The following FAAH2 variants were observed in gnomAD, a reference collection of about 807,000 sequenced individuals.
FAAH2 encodes fatty-acid amide hydrolase 2.
In FAAH2, 60 loss-of-function variants were observed where a neutral mutation model predicts 36.9. That is an observed-to-expected ratio of 1.63 (90% CI 1.32 to 2.02). FAAH2 has a LOEUF of 2.02. FAAH2 is among the 30% of genes most tolerant of loss of function. The probability of loss-of-function intolerance (pLI) is 0.00; values close to 1 mark genes in which losing one functional copy is unlikely to be tolerated. For synonymous variants in FAAH2, 214 were observed against 143.8 expected (o/e 1.49, Z -3.49); for missense variants, 689 against 397.5 (o/e 1.73, Z -6.23).
intron 1 of FAAH2, chrX:57,290,433 G>T: frequency 8.6e-6 from 2 of 232,710 alleles, no homozygotes; most frequent in Non-Finnish European, 1.2e-5. Context: ...CCTACTAGAC[G>T]CATAATTCTA....
At chrX:57,207,394 C>T in the FAAH2 span, among the ~76,000 whole-genome samples, 1 of 111,700 alleles carries the variant, frequency 9.0e-6, no homozygotes, top group East Asian at 2.8e-4. Flanking sequence ...ACACAGATGG[C>T]CAGTGCTGTA....
At chrX:57,398,694 A>G (rs1006473026) in intron 7 of FAAH2, among the ~76,000 whole-genome samples, 1 of 111,193 alleles carries the variant, frequency 9.0e-6, no homozygotes, top group Middle Eastern at 4.6e-3. Context: ...CTCTCAGGTG[A>G]TAGATGATTG....
At chrX:57,159,984 T>C in the FAAH2 span, among the ~76,000 whole-genome samples, 1 of 111,903 alleles carries the variant, frequency 8.9e-6, no homozygotes, top group African/African-American at 3.3e-5. Context: ...TTGTCATAGA[T>C]AGCTCTTATT....
chrX:57,447,281 C>T (rs749713719), intron 9 of FAAH2, among the ~76,000 whole-genome samples: 10 of 111,193 alleles, frequency 9.0e-5, no homozygotes, highest in Non-Finnish European at 1.9e-4. Flanking sequence ...GTATAGCCTC[C>T]CTCCAAGTTG....
intron 8 of FAAH2, among the ~76,000 whole-genome samples, chrX:57,437,918 C>T (rs748348856): frequency 2.0e-5 from 2 of 102,203 alleles, no homozygotes; most frequent in East Asian, 6.1e-4. Flanking sequence ...TACATACGTA[C>T]ATGTATACAC....
rs762805177 is a variant in FAAH2, at chrX:57,488,921, G to C, written c.1588G>C (p.Gly530Arg). 3.3e-6 allele frequency: 4 copies of C among 1,206,941 alleles called. No homozygotes were observed. The highest frequency in any genetic ancestry group is 4.5e-6 in the Non-Finnish European group (4 of 894,354). Residue 530 changes from glycine to arginine, a missense_variant, in exon 11 of 11, where the codon GGA (glycine) becomes CGA (arginine). Transcript: ENST00000374900. ...AACTTTTGGGGGCTGGGTCTGTCCA[G>C]GAAAGTTTTAGGAGGACCTTCTGCA... Reference protein sequence around the residue: ...EKTFGGWVCPGKF With the variant: ...EKTFGGWVCPRKF
chrX:57,349,251 GTGTGTATATA>G (rs1304361298), intron 5 of FAAH2, among the ~76,000 whole-genome samples: 1 of 28,708 alleles, frequency 3.5e-5, no homozygotes, highest in Non-Finnish European at 2.0e-4. Context: ...ATGTATATCT[GTGTGTATATA>G]TGTATATACA....
chrX:57,400,459 G>C (rs139947990), intron 7 of FAAH2, among the ~76,000 whole-genome samples: 1 of 112,593 alleles, frequency 8.9e-6, no homozygotes, highest in African/African-American at 3.2e-5. Flanking sequence ...GTCTTGCCCT[G>C]TTGGCATGCT....
the FAAH2 span, among the ~76,000 whole-genome samples, chrX:57,144,623 G>A: frequency 1.1e-4 from 12 of 109,629 alleles, no homozygotes; most frequent in South Asian, 3.9e-4. Context: ...CGTATCACCC[G>A]AGCAGTTTAC....
At chrX:57,406,782 G>A (rs771851463) in intron 7 of FAAH2, among the ~76,000 whole-genome samples, 1 of 111,987 alleles carries the variant, frequency 8.9e-6, no homozygotes, top group East Asian at 2.8e-4. Context: ...TGTGTAGAGA[G>A]AGGAAGATGA....
chrX:57,210,105 G>T, the FAAH2 span, among the ~76,000 whole-genome samples: 1 of 110,814 alleles, frequency 9.0e-6, no homozygotes, highest in Non-Finnish European at 1.9e-5. Context: ...GTGCTTCTCA[G>T]TGGTGTAGAG....
intron 10 of FAAH2, among the ~76,000 whole-genome samples, chrX:57,481,401 C>T (rs1025743179): frequency 2.7e-5 from 3 of 111,513 alleles, no homozygotes; most frequent in Non-Finnish European, 5.6e-5. Flanking sequence ...ATCTTTAAAG[C>T]TGATAACCTT....
Position 57,488,980 on chromosome X carries a change from G to T in FAAH2, c.*48G>T. 1.8e-6 allele frequency: 2 copies of T among 1,124,606 alleles called. No homozygotes were observed. Among genetic ancestry groups the T allele is most frequent in the Non-Finnish European group, 2.4e-6 (2 of 847,803 alleles). 92.7% of individuals were successfully genotyped at this position (1,124,606 alleles called of 1,213,427 possible). A position where few individuals can be genotyped will look rare whatever the true frequency, so the allele number is the denominator to read the frequency against. ...GTGTGTGTGTGTTTGTGTTCGTGTG[G>T]TGGTGTTTCTATTAATTGGGTGAAA... On this transcript the variant is annotated 3_prime_UTR_variant, in exon 11 of 11. Transcript: ENST00000374900.
the FAAH2 span, among the ~76,000 whole-genome samples, chrX:57,181,297 G>A: frequency 5.4e-5 from 6 of 111,618 alleles, no homozygotes; most frequent in East Asian, 1.7e-3. Flanking sequence ...GGAAGTGAAA[G>A]TATTTCTGTT....
intron 5 of FAAH2, among the ~76,000 whole-genome samples, chrX:57,352,133 TATGTGTATATATATGCACATATATATAC>T (rs2054037550): frequency 2.7e-5 from 1 of 36,867 alleles, no homozygotes; most frequent in Non-Finnish European, 5.2e-5. Flanking sequence ...CATATATATA[TATGTGTATATATATGCACATATATATAC>T]ACATATATAT....
chrX:57,315,634 C>G (rs1363473954), intron 3 of FAAH2, among the ~76,000 whole-genome samples: 3 of 111,671 alleles, frequency 2.7e-5, no homozygotes, highest in Non-Finnish European at 5.7e-5. Context: ...TGATTCACCA[C>G]GTAAATGATT....
chrX:57,356,751 TTTTA>T (rs1462465793), intron 5 of FAAH2, among the ~76,000 whole-genome samples: 7 of 110,914 alleles, frequency 6.3e-5, no homozygotes, highest in Middle Eastern at 4.7e-3. Context: ...CTAAATTCTA[TTTTA>T]TTTATCACTG....
chrX:57,484,639 C>T (rs1482420288), intron 10 of FAAH2, among the ~76,000 whole-genome samples: 1 of 111,631 alleles, frequency 9.0e-6, no homozygotes, highest in Non-Finnish European at 1.9e-5. Flanking sequence ...AGCTTTATGG[C>T]TCACATCTTC....
the FAAH2 span, among the ~76,000 whole-genome samples, chrX:57,281,327 G>T: frequency 1.8e-5 from 2 of 111,484 alleles, no homozygotes; most frequent in Non-Finnish European, 3.8e-5. Flanking sequence ...TGGTGGACAT[G>T]GTCAAAAGTT....
Sources: allele counts gnomAD v4.1 joint callset (sites outside exome capture counted in the v4.1 genomes callset), GRCh38; gene constraint gnomAD v4.1.1; transcripts MANE v1.5; gene names NCBI Gene and HGNC (gene_info 2026-07-23, HGNC 2026-07-21).